The following NEBL variants were observed in gnomAD, a reference collection of about 807,000 sequenced individuals.
NEBL encodes the protein LIM and SH3 protein 2.
In NEBL, 122 loss-of-function variants were observed where a neutral mutation model predicts 140.2. That is an observed-to-expected ratio of 0.87 (90% CI 0.75 to 1.01). The LOEUF is 1.01. Ranked by LOEUF, NEBL falls within the 50% of genes least tolerant of loss-of-function variation. NEBL has a pLI of 0.00. For missense variants in NEBL, 1,365 were observed against 1,231.3 expected, an observed-to-expected ratio of 1.11 and a Z score of -1.62; for synonymous variants, 436 against 398.9, an observed-to-expected ratio of 1.09 and a Z score of -1.11.
chr10:20,937,578 G>T (rs1834562957), intron 4 of NEBL, among the ~76,000 whole-genome samples: 1 of 152,168 alleles, frequency 6.6e-6, no homozygotes, highest in Non-Finnish European at 1.5e-5. Context: ...ACTGGGGAGT[G>T]TCAGAAAGTG....
At chr10:21,016,017 G>T (rs749356100) in intron 3 of NEBL, among the ~76,000 whole-genome samples, 1 of 152,258 alleles carries the variant, frequency 6.6e-6, no homozygotes, top group Admixed American at 6.5e-5. Flanking sequence ...TAATGTTGCT[G>T]ATTCCACCAG....
At chr10:20,860,561 C>CAAA (rs879306514) in intron 7 of NEBL, among the ~76,000 whole-genome samples, 14,215 of 61,002 alleles carry the variant, frequency 0.23, 3,221 homozygotes, top group Non-Finnish European at 0.28. Context: ...AAGTTCACTA[C>CAAA]AAAAAGAAAA....
intron 2 of NEBL, among the ~76,000 whole-genome samples, chr10:21,166,304 G>GA (rs895580645): frequency 9.5e-5 from 14 of 146,874 alleles, no homozygotes; most frequent in East Asian, 3.9e-4. Context: ...CCGTATCACT[G>GA]AAAAAAAAGT....
chr10:20,943,524 G>A (rs1835004584), intron 4 of NEBL, among the ~76,000 whole-genome samples: 1 of 152,016 alleles, frequency 6.6e-6, no homozygotes, highest in Admixed American at 6.5e-5. Context: ...CACCAACATG[G>A]CACATGTATA....
intron 3 of NEBL, among the ~76,000 whole-genome samples, chr10:20,975,922 C>T (rs1403826460): frequency 1.3e-5 from 2 of 152,020 alleles, no homozygotes; most frequent in Non-Finnish European, 2.9e-5. Flanking sequence ...AAACTTAAAC[C>T]TAATTAATCA....
At chr10:20,913,605 C>G (rs918628605) in intron 4 of NEBL, among the ~76,000 whole-genome samples, 1 of 152,040 alleles carries the variant, frequency 6.6e-6, no homozygotes, top group Non-Finnish European at 1.5e-5. Context: ...ACCAAGTGTA[C>G]GAAATATCGT....
At chr10:21,153,499 T>G (rs1840221612) in intron 2 of NEBL, among the ~76,000 whole-genome samples, 1 of 151,166 alleles carries the variant, frequency 6.6e-6, no homozygotes, top group Non-Finnish European at 1.5e-5. Context: ...CTGGCTAATT[T>G]TTTATATATA....
chr10:21,243,708 G>A (rs891154035), intron 3 of NEBL, among the ~76,000 whole-genome samples: 2 of 152,134 alleles, frequency 1.3e-5, no homozygotes, highest in African/African-American at 4.8e-5. Flanking sequence ...TCCCCATGAG[G>A]TAGGGGGATT....
chr10:20,845,872 G>A (rs1489622112), intron 11 of NEBL, among the ~76,000 whole-genome samples: 1 of 152,136 alleles, frequency 6.6e-6, no homozygotes, highest in Non-Finnish European at 1.5e-5. Context: ...TGAGGGTTAG[G>A]GAGGGGGTTT....
intron 2 of NEBL, among the ~76,000 whole-genome samples, chr10:21,077,729 T>C (rs188733574): frequency 6.6e-6 from 1 of 152,346 alleles, no homozygotes; most frequent in East Asian, 1.9e-4. Context: ...CTTCTTCATT[T>C]TCTGTCCTCC....
At chr10:20,798,436 C>T (rs1836788959) in intron 26 of NEBL, among the ~76,000 whole-genome samples, 1 of 152,270 alleles carries the variant, frequency 6.6e-6, no homozygotes, top group East Asian at 1.9e-4. Context: ...CACATTATGA[C>T]TCTACTGTTT....
intron 3 of NEBL, among the ~76,000 whole-genome samples, chr10:21,233,885 A>AGATATATATTACATATATATGCATATATG (rs1842306065): frequency 7.4e-6 from 1 of 134,960 alleles, no homozygotes; most frequent in Non-Finnish European, 1.6e-5. Context: ...ATGCATATAT[A>AGATATATATTACATATATATGCATATATG]GATATATATT....
chr10:21,288,769 A>G (rs1195741372), intron 1 of NEBL, among the ~76,000 whole-genome samples: 3 of 89,068 alleles, frequency 3.4e-5, no homozygotes, highest in African/African-American at 8.8e-5. Flanking sequence ...CCAAAAAAAA[A>G]AAAAAGAAAA....
At chr10:21,202,375 C>T (rs1208472910) in intron 3 of NEBL, among the ~76,000 whole-genome samples, 4 of 151,576 alleles carry the variant, frequency 2.6e-5, no homozygotes, top group East Asian at 1.9e-4. Context: ...GACTCACCTG[C>T]GTTCTAGAAA....
At chr10:21,123,755 A>G (rs529583950) in intron 2 of NEBL, among the ~76,000 whole-genome samples, 1 of 150,914 alleles carries the variant, frequency 6.6e-6, no homozygotes, top group African/African-American at 2.4e-5. Flanking sequence ...TCAAACTAAT[A>G]TATTCATAAA....
chr10:20,884,980 G>A (rs1564419677), intron 4 of NEBL, among the ~76,000 whole-genome samples: 1 of 152,142 alleles, frequency 6.6e-6, no homozygotes, highest in Non-Finnish European at 1.5e-5. Context: ...TTCCTTTCAG[G>A]CATTTTCTGT....
intron 2 of NEBL, among the ~76,000 whole-genome samples, chr10:21,049,952 A>G (rs1366090314): frequency 6.6e-6 from 1 of 152,222 alleles, no homozygotes; most frequent in East Asian, 1.9e-4. Context: ...ATGAGGAGTA[A>G]GAGCTTTAGT....
chr10:21,284,210 CAA>C (rs35693200), intron 1 of NEBL, among the ~76,000 whole-genome samples: 1 of 37,188 alleles, frequency 2.7e-5, no homozygotes, highest in Non-Finnish European at 4.5e-5. Flanking sequence ...ACTCCGTCTC[CAA>C]AAAAAAAAAA....
chr10:21,198,652 T>C (rs912561823), intron 3 of NEBL, among the ~76,000 whole-genome samples: 3 of 152,142 alleles, frequency 2.0e-5, no homozygotes, highest in South Asian at 4.1e-4. Flanking sequence ...TGTCCCTCCA[T>C]AAAGAGCCTC....
Sources: allele counts gnomAD v4.1 joint callset (sites outside exome capture counted in the v4.1 genomes callset), GRCh38; gene constraint gnomAD v4.1.1; transcripts MANE v1.5; gene names NCBI Gene and HGNC (gene_info 2026-07-23, HGNC 2026-07-21).